The following C1QTNF9B variants were observed in gnomAD, a reference collection of about 807,000 sequenced individuals.
The protein encoded by C1QTNF9B is complement C1q and tumor necrosis factor-related protein 9B.
A neutral mutation model predicts 10.1 loss-of-function variants in C1QTNF9B; 9 were observed. The ratio of observed to expected loss-of-function variants is 0.89; its 90% CI spans 0.53 to 1.55. The LOEUF is 1.55. Among genes scored for constraint, C1QTNF9B ranks in the 40% most tolerant of loss-of-function variants. C1QTNF9B has a pLI of 0.00. For missense variants in C1QTNF9B, 196 were observed against 414.4 expected, an observed-to-expected ratio of 0.47 and a Z score of 4.58; for synonymous variants, 79 against 159.9, an observed-to-expected ratio of 0.49 and a Z score of 3.82.
At chr13:23,892,756 T>C (rs754600395) in intron 2 of C1QTNF9B, among the ~76,000 whole-genome samples, 9 of 152,202 alleles carry the variant, frequency 5.9e-5, no homozygotes, top group Non-Finnish European at 2.9e-5. Context: ...TCTACTAAAT[T>C]AGTGTCAGGG....
In C1QTNF9B at chr13:23,891,450, C is replaced by T. The variant is rs370349038; in HGVS notation, c.841G>A (p.Val281Met). The T allele has an allele frequency of 7.3e-5, 116 of 1,581,720 alleles. 12 individuals carry two copies. In the Middle Eastern group the frequency reaches 8.4e-4, roughly 11 times the overall value. The change falls in exon 3 of 3, where the codon GTG becomes ATG. Residue 281 changes from valine to methionine, a missense_variant. Physicochemically the swap from Val to Met is conservative, Grantham distance 21. Coordinates refer to ENST00000382137, the Ensembl canonical transcript of C1QTNF9B. Reference sequence around the variant, plus strand: ...CCAGAGGCCTGGTCCTCAGAGCTCACGTAAGCATCTCTGGTGTGCAGTATT... The same window carrying T: ...CCAGAGGCCTGGTCCTCAGAGCTCATGTAAGCATCTCTGGTGTGCAGTATT...
chr13:23,892,767 C>A (rs1041092033), intron 2 of C1QTNF9B, among the ~76,000 whole-genome samples: 1 of 152,208 alleles, frequency 6.6e-6, no homozygotes, highest in East Asian at 1.9e-4. Context: ...AGTGTCAGGG[C>A]TCACATTAGA....
At chr13:23,894,934 G>A (rs1872145570) in intron 1 of C1QTNF9B, among the ~76,000 whole-genome samples, 1 of 152,196 alleles carries the variant, frequency 6.6e-6, no homozygotes, top group South Asian at 2.1e-4. Context: ...TTCTCACAAA[G>A]CAGCAGAGAC....
rs370739126 is a variant in C1QTNF9B, at chr13:23,896,854, G to A, written c.133C>T (p.Arg45Ter). 14 of 1,613,486 alleles carry A rather than the reference G, an allele frequency of 8.7e-6. No homozygotes were observed. Among genetic ancestry groups the A allele is most frequent in the Middle Eastern group, 1.6e-4 (1 of 6,084 alleles). ...CCTTTGTCACCCTTCGCTCCGTCTCGTCCATCTCTTCCAGGCAGACCATTG... is the reference window on the plus strand; with the variant it reads ...CCTTTGTCACCCTTCGCTCCGTCTCATCCATCTCTTCCAGGCAGACCATTG... Residue 45 changes from arginine (R) to a stop codon, truncating the protein, a stop_gained, in exon 1 of 3, where the codon CGA (arginine) becomes TGA (stop). Transcript: ENST00000382137. LOFTEE classifies it high-confidence loss of function.
intron 2 of C1QTNF9B, among the ~76,000 whole-genome samples, chr13:23,893,078 C>G (rs555607000): frequency 6.6e-6 from 1 of 152,332 alleles, no homozygotes; most frequent in Non-Finnish European, 1.5e-5. Context: ...CAAGTGTGGA[C>G]TCTGAGGCTA....
chr13:23,896,935 T>G, exon 1 of C1QTNF9B: 5 of 1,613,966 alleles, frequency 3.1e-6, no homozygotes, highest in Non-Finnish European at 4.2e-6. Context: ...TCCTGTGAGT[T>G]TATGTTCCCT....
rs535620576 is a variant in C1QTNF9B at position 23,896,376 on chromosome 13, A to G, written c.166+445T>C. Among the ~76,000 whole-genome samples, 583 of 152,314 alleles carry G rather than the reference A, an allele frequency of 3.8e-3. 5 individuals carry two copies. The highest frequency in any genetic ancestry group is 0.013 in the African/African-American group (528 of 41,574). ...GTCACTCCGCATCTCCTGCTTCATG[A>G]CATGATATGGTATTAGCTCTCACCT... On this transcript the variant is annotated intron_variant, in intron 1 of 2. Coordinates refer to ENST00000382137, the Ensembl canonical transcript of C1QTNF9B.
intron 2 of C1QTNF9B, among the ~76,000 whole-genome samples, chr13:23,892,686 T>C (rs1872054315): frequency 1.3e-5 from 2 of 151,928 alleles, no homozygotes; most frequent in African/African-American, 4.8e-5. Context: ...TTACTCCAAT[T>C]ACACACGTGT....
At chr13:23,895,402 A>C (rs1872160462) in intron 1 of C1QTNF9B, among the ~76,000 whole-genome samples, 2 of 152,170 alleles carry the variant, frequency 1.3e-5, no homozygotes, top group South Asian at 4.1e-4. Context: ...AATACACTTT[A>C]AGATGGTAAG....
chr13:23,897,239 T>TA (rs932430463), upstream of C1QTNF9B: 117 of 495,558 alleles, frequency 2.4e-4, no homozygotes, highest in South Asian at 5.9e-4. Context: ...GAACGGGCAA[T>TA]AAAAAAAAGC....
In C1QTNF9B at chr13:23,891,589, A is replaced by G. The variant is rs144053258; in HGVS notation, c.702T>C (p.Tyr234=). 1.8e-4 allele frequency: 284 copies of G among 1,593,420 alleles called. 4 individuals carry two copies. The African/African-American group carries it at 3.5e-3, about 20-fold the overall frequency. ...ACGTGAATTTCCCCACTGCTGTATC[A>G]TAATGGTTGAATTCATTATACAGGA... Residue 234 remains tyrosine, a synonymous_variant, in exon 3 of 3, where the codon TAT becomes TAC. Transcript: ENST00000382137.
intron 1 of C1QTNF9B, among the ~76,000 whole-genome samples, chr13:23,894,850 G>A (rs1013696699): frequency 6.6e-6 from 1 of 152,176 alleles, no homozygotes; most frequent in Non-Finnish European, 1.5e-5. Context: ...CGTGCTATCC[G>A]TCAGCGGGTT....
In C1QTNF9B at chr13:23,892,133, T is replaced by C. The variant is rs1468545183; in HGVS notation, c.230-72A>G. The stretch of plus-strand genomic sequence containing the variant: ...CTTGTGAACAACTTTGGTTTTTCTA[T>C]AATTGAGCTCACAAATGAAACAAAG... On this transcript the variant is annotated intron_variant, in intron 2 of 2. Transcript: ENST00000382137. 2.6e-5 allele frequency: 41 copies of C among 1,579,718 alleles called. No homozygotes were observed. The Middle Eastern group carries it at 5.1e-4, about 20-fold the overall frequency.
intron 2 of C1QTNF9B, among the ~76,000 whole-genome samples, chr13:23,892,297 C>A (rs1007024933): frequency 1.3e-5 from 2 of 150,180 alleles, no homozygotes; most frequent in African/African-American, 4.9e-5. Context: ...AAGACCATCC[C>A]GGCCAACATA....
rs1871930159 is a variant in C1QTNF9B, at chr13:23,891,421, GCTGC to G, written c.866_869del (p.Gly289AlafsTer6). The G allele has an allele frequency of 3.2e-6, 5 of 1,582,080 alleles. 2 individuals are homozygous for G. The highest frequency in any genetic ancestry group is 4.3e-6 in the Non-Finnish European group (5 of 1,153,930). On this transcript the variant is annotated frameshift_variant, in exon 3 of 3. Transcript: ENST00000382137. LOFTEE classifies it high-confidence loss of function. ...CCCCGAGCTTCAGCTGCAGGACAAT[GCTGC>G]CAGAGGCCTGGTCCTCAGAGCTCAC...
At chr13:23,892,247 G>A in intron 2 of C1QTNF9B, 186 bp from the exon 5 acceptor site, 1 of 1,143,646 alleles carries the variant, frequency 8.7e-7, no homozygotes, top group South Asian at 1.7e-5. Context: ...CTAGCACCTT[G>A]GGAGACCGCG....
chr13:23,895,780 C>CACACAG (rs1327590658), intron 1 of C1QTNF9B, among the ~76,000 whole-genome samples: 1 of 152,032 alleles, frequency 6.6e-6, no homozygotes, highest in Non-Finnish European at 1.5e-5. Context: ...CACACACACA[C>CACACAG]ACACACCACT....
At chr13:23,895,410 A>G (rs1872160766) in intron 1 of C1QTNF9B, among the ~76,000 whole-genome samples, 2 of 152,194 alleles carry the variant, frequency 1.3e-5, no homozygotes, top group South Asian at 4.1e-4. Context: ...TTAAGATGGT[A>G]AGATAAAAAT....
At chr13:23,897,326 C>T, upstream of C1QTNF9B, 1 of 392,852 alleles carries the variant, frequency 2.5e-6, no homozygotes, top group Non-Finnish European at 4.6e-6. Flanking sequence ...CAGACCAATG[C>T]TTACTTATCT....
Sources: gnomAD v4.1 joint callset for allele counts (sites outside exome capture counted in the v4.1 genomes callset) on GRCh38, gnomAD v4.1.1 for gene constraint, MANE v1.5 for transcripts, NCBI Gene and HGNC (gene_info 2026-07-23, HGNC 2026-07-21) for gene names.